Variants in KLHL2 observed in about 807,000 individuals in gnomAD.
The protein encoded by KLHL2 is kelch-like protein 2.
KLHL2 carries 15 observed loss-of-function variants against 75.8 expected under a neutral mutation model. The ratio of observed to expected loss-of-function variants is 0.20; its 90% CI spans 0.13 to 0.30. KLHL2 has a LOEUF of 0.30. Ranked by LOEUF, KLHL2 falls within the 10% of genes least tolerant of loss-of-function variation. The probability of loss-of-function intolerance (pLI) is 1.00; values close to 1 mark genes in which losing one functional copy is unlikely to be tolerated. For synonymous variants in KLHL2, 214 were observed against 251.9 expected (o/e 0.85, Z 1.42); for missense variants, 381 against 741.0 (o/e 0.51, Z 5.64).
intron 13 of KLHL2, among the ~76,000 whole-genome samples, chr4:165,316,192 A>G (rs1244948399): frequency 6.6e-6 from 1 of 152,016 alleles, no homozygotes; most frequent in Non-Finnish European, 1.5e-5. Flanking sequence ...GTATGGACCA[A>G]CCTCCCTTTC....
rs1746085742 is a variant in KLHL2 at position 165,310,623 on chromosome 4, A to C, written c.1110A>C (p.Val370=). The change falls in exon 10 of 15, where the codon GTA becomes GTC. Residue 370 remains valine (V), a synonymous_variant. Transcript: ENST00000226725. ...GFNGSLRVRT[V]DSYDPVKDQW... is the part of the protein sequence containing the mutation. ...ATGGCTCATTAAGAGTTCGCACTGT[A>C]GATTCCTACGACCCTGTGAAGGACC... is the stretch of plus-strand genomic sequence containing the variant. 2 of 1,614,038 alleles carry C rather than the reference A, an allele frequency of 1.2e-6. No homozygotes were observed. Among genetic ancestry groups the C allele is most frequent in the African/African-American group, 2.7e-5 (2 of 74,920 alleles).
In KLHL2 at chr4:165,323,058, A is replaced by G. The variant is rs1195049300; in HGVS notation, c.*998A>G. On this transcript the variant is annotated 3_prime_UTR_variant, in exon 15 of 15. Transcript: ENST00000226725. Reference sequence around the variant, plus strand: ...GTAGCCATGTGTGTTGATCAGATACAGTTTTTCTGAGATCTTCAATTAATC... The same window carrying G: ...GTAGCCATGTGTGTTGATCAGATACGGTTTTTCTGAGATCTTCAATTAATC... 1.3e-5 allele frequency: 2 copies of G among 152,632 alleles called. No individual in the cohort carries two copies. Among genetic ancestry groups the G allele is most frequent in the Non-Finnish European group, 2.9e-5 (2 of 68,022 alleles). 9.5% of individuals were successfully genotyped at this position (152,632 alleles called of 1,614,324 possible).
rs1431477367 is a variant in KLHL2, at chr4:165,291,647, G to GCAGAGC, written c.545-2712_545-2711insCAGAGC. On this transcript the variant is annotated intron_variant, in intron 5 of 14. Transcript: ENST00000226725. ...GATCAGTTGCCTGTGTTTTTGTGGG[G>GCAGAGC]TCTCTTTCTGGGCTCTCTATTCTGT... Among the ~76,000 whole-genome samples the GCAGAGC allele has an allele frequency of 2.6e-3, 391 of 152,166 alleles. 4 individuals carry two copies. Among genetic ancestry groups the GCAGAGC allele is most frequent in the African/African-American group, 8.4e-3 (350 of 41,508 alleles).
Position 165,294,487 on chromosome 4 carries a change from TC to T in KLHL2, c.654+22del. On this transcript the variant is annotated intron_variant, in intron 6 of 14. Coordinates refer to ENST00000226725, the MANE Select transcript of KLHL2 (RefSeq NM_007246.4). ...AGAGAAGGTAAGGATATTTTTCTTT[TC>T]CCAGTGTGCAATGATGTTTCCCTTT... 7.2e-7 allele frequency: 1 copy of T among 1,392,058 alleles called. No homozygotes were observed. The highest frequency in any genetic ancestry group is 1.2e-5 in the South Asian group (1 of 83,844). The allele number at this position is 1,392,058 out of a possible 1,614,324, so 86.2% of individuals were successfully genotyped here.
rs546987287 is a variant in KLHL2, at chr4:165,239,906, G to A, written c.381+1007G>A. ...ACATAAGAAATACTATACTTGTTCT[G>A]AAACTTGCTTTTTGAACTGAACAGT... On this transcript the variant is annotated intron_variant, in intron 4 of 14. Coordinates refer to ENST00000226725, the MANE Select transcript of KLHL2 (RefSeq NM_007246.4). Among the ~76,000 whole-genome samples, 9 of 152,198 alleles carry A rather than the reference G, an allele frequency of 5.9e-5. No individual in the cohort carries two copies. In the East Asian group the frequency reaches 1.5e-3, roughly 26 times the overall value.
At position 165,220,493 on chromosome 4, in the gene KLHL2, G is replaced by A. The variant is rs549935078; in HGVS notation, c.152+434G>A. ...CCAGCACTTTGAGAGGCCAGGGCAGGAGGATCACTTGAAGCCAGGAGTTTG... is the reference window on the plus strand; with the variant it reads ...CCAGCACTTTGAGAGGCCAGGGCAGAAGGATCACTTGAAGCCAGGAGTTTG... On this transcript the variant is annotated intron_variant, in intron 2 of 14. Transcript: ENST00000226725. Among the ~76,000 whole-genome samples the A allele has an allele frequency of 2.0e-5, 3 of 152,252 alleles. No individual in the cohort carries two copies. The East Asian group carries it at 5.8e-4, about 29-fold the overall frequency.
At chr4:165,248,056 A>G (rs1293046952) in intron 4 of KLHL2, among the ~76,000 whole-genome samples, 1 of 152,222 alleles carries the variant, frequency 6.6e-6, no homozygotes, top group African/African-American at 2.4e-5. Context: ...ACGGATTTGC[A>G]GATTGGCTGA....
intron 5 of KLHL2, among the ~76,000 whole-genome samples, chr4:165,290,335 A>G (rs553861142): frequency 5.3e-5 from 8 of 152,004 alleles, no homozygotes; most frequent in African/African-American, 9.6e-5. Context: ...GTGTTTTACT[A>G]TGTTGGCCAG....
chr4:165,213,051 G>A (rs1482136084), intron 1 of KLHL2, among the ~76,000 whole-genome samples: 2 of 152,192 alleles, frequency 1.3e-5, no homozygotes, highest in African/African-American at 4.8e-5. Context: ...CTTATTCAAT[G>A]GGATAACCAT....
chr4:165,281,376 T>C (rs915038535), intron 5 of KLHL2, among the ~76,000 whole-genome samples: 2 of 150,506 alleles, frequency 1.3e-5, no homozygotes, highest in African/African-American at 4.9e-5. Context: ...AGTGCAGTGG[T>C]GCGATCTCGG....
At position 165,314,113 on chromosome 4, in the gene KLHL2, C is replaced by T; in HGVS notation, c.1556C>T (p.Thr519Ile). 3.1e-6 allele frequency: 5 copies of T among 1,613,506 alleles called. No homozygotes were observed. Among genetic ancestry groups the T allele is most frequent in the South Asian group, 1.1e-5 (1 of 91,064 alleles). ...VRKSVEVYDPTTNAWRQVADM... is the reference protein window; with the variant it reads ...VRKSVEVYDPITNAWRQVADM... ...AAAAGTGTTGAAGTATATGATCCCA[C>T]CACTAACGCATGGAGACAGGTTGCA... Residue 519 changes from threonine to isoleucine, a missense_variant, in exon 13 of 15, where the codon ACC (threonine) becomes ATC (isoleucine). Thr to Ile is a moderately conservative substitution (Grantham distance 89). Around this residue, in one of 5 missense-constraint regions of KLHL2, gnomAD observed 168 missense variants for 370.4 expected, o/e 0.45. Coordinates refer to ENST00000226725, the MANE Select transcript of KLHL2 (RefSeq NM_007246.4).
intron 5 of KLHL2, among the ~76,000 whole-genome samples, chr4:165,263,600 G>GA (rs1741880747): frequency 6.7e-6 from 1 of 148,826 alleles, no homozygotes; most frequent in East Asian, 2.0e-4. Flanking sequence ...GAATAGCTAG[G>GA]TTTTTTTGTT....
intron 4 of KLHL2, among the ~76,000 whole-genome samples, chr4:165,242,462 A>G (rs1454591273): frequency 6.6e-6 from 1 of 151,958 alleles, no homozygotes; most frequent in Non-Finnish European, 1.5e-5. Flanking sequence ...CCCACCTTCC[A>G]CTGTTAAGAA....
chr4:165,209,024 A>G (rs1364811279), intron 1 of KLHL2, among the ~76,000 whole-genome samples: 3 of 152,210 alleles, frequency 2.0e-5, no homozygotes, highest in Non-Finnish European at 4.4e-5. Context: ...CTGGAACGAC[A>G]GTTTCTAAAA....
chr4:165,253,797 GCTGA>G (rs1343155520), intron 4 of KLHL2, among the ~76,000 whole-genome samples: 1 of 152,152 alleles, frequency 6.6e-6, no homozygotes, highest in Admixed American at 6.5e-5. Context: ...TTCTTTTAAG[GCTGA>G]CTTCTTCCTC....
chr4:165,278,646 C>G (rs1743374046), intron 5 of KLHL2: 1 of 1,596,366 alleles, frequency 6.3e-7, no homozygotes, highest in African/African-American at 1.3e-5. Flanking sequence ...CCAAGATTGT[C>G]TCTTAGCCAG....
intron 4 of KLHL2, among the ~76,000 whole-genome samples, chr4:165,242,465 G>C (rs1174651777): frequency 6.6e-6 from 1 of 152,072 alleles, no homozygotes; most frequent in Non-Finnish European, 1.5e-5. Context: ...ACCTTCCACT[G>C]TTAAGAATAC....
chr4:165,255,055 C>T (rs1415087808), intron 4 of KLHL2, among the ~76,000 whole-genome samples: 1 of 152,150 alleles, frequency 6.6e-6, no homozygotes, highest in African/African-American at 2.4e-5. Flanking sequence ...TAGGTGGTGT[C>T]TTCATTATCC....
chr4:165,257,642 A>G (rs964020108), intron 4 of KLHL2, among the ~76,000 whole-genome samples: 6 of 152,238 alleles, frequency 3.9e-5, no homozygotes, highest in Admixed American at 6.5e-5. Flanking sequence ...AGTGTCTGGT[A>G]CATATACATT....
Sources: allele counts gnomAD v4.1 joint callset (sites outside exome capture counted in the v4.1 genomes callset), GRCh38; gene constraint gnomAD v4.1.1; regional missense constraint gnomAD v4.1.1; transcripts MANE v1.5; gene names NCBI Gene and HGNC (gene_info 2026-07-23, HGNC 2026-07-21).